Variants in NXPE3 observed in about 807,000 individuals in gnomAD.
The protein encoded by NXPE3 is neurexophilin and PC-esterase domain family member 3.
A neutral mutation model predicts 46.1 loss-of-function variants in NXPE3; 26 were observed. That is an observed-to-expected ratio of 0.56 (90% CI 0.41 to 0.78). The LOEUF is 0.78. Ranked by LOEUF, NXPE3 falls within the 30% of genes least tolerant of loss-of-function variation. NXPE3 has a pLI of 0.00. For missense variants in NXPE3, 620 were observed against 686.0 expected (o/e 0.90, Z 1.07); for synonymous variants, 272 against 257.9 (o/e 1.05, Z -0.52).
rs756671139 is a variant in NXPE3, at chr3:101,821,705, C to G, written c.1431C>G (p.Thr477=). 5.0e-6 allele frequency: 8 copies of G among 1,614,210 alleles called. No homozygotes were observed. In the South Asian group the frequency reaches 6.6e-5, roughly 13 times the overall value. ...GGCTCCTCGATCGAAGCCCAAAGAC[C>G]GTGGTGGTCATCCGGACGGCCAACG... ...VVRLLDRSPK[T]VVVIRTANAQ... is the part of the protein sequence containing the mutation. The change falls in exon 8 of 8, where the codon ACC becomes ACG. Residue 477 remains threonine (T), a synonymous_variant. Transcript: ENST00000273347.
At chr3:101,781,391 C>T (rs1939817376) in intron 1 of NXPE3, among the ~76,000 whole-genome samples, 1 of 152,198 alleles carries the variant, frequency 6.6e-6, no homozygotes, top group Non-Finnish European at 1.5e-5. Flanking sequence ...ATTTGTGTTA[C>T]TGACAATTGT....
In NXPE3 at chr3:101,825,548, A is replaced by T. The variant is rs535040998; in HGVS notation, c.*3594A>T. ...TAATTCTATCATCTGAATGCAATGA[A>T]CATTAGCATTTAGGTATATTTTCTT... is the stretch of plus-strand genomic sequence containing the variant. On this transcript the variant is annotated 3_prime_UTR_variant, in exon 8 of 8. Coordinates refer to ENST00000273347, the MANE Select transcript of NXPE3 (RefSeq NM_145037.4). 2 of 152,318 alleles carry T rather than the reference A, an allele frequency of 1.3e-5. No individual in the cohort carries two copies. The highest frequency in any genetic ancestry group is 4.8e-5 in the African/African-American group (2 of 41,584). 9.4% of individuals were successfully genotyped at this position (152,318 alleles called of 1,614,324 possible).
intron 7 of NXPE3, among the ~76,000 whole-genome samples, chr3:101,818,737 ATATATATATATATATATTTTTTTT>A (rs1408434531): frequency 1.1e-4 from 3 of 27,180 alleles, no homozygotes; most frequent in Admixed American, 5.0e-4. Context: ...ATATATATAT[ATATATATATATATATATTTTTTTT>A]TTTTTTTTTT....
In NXPE3 at chr3:101,793,627, C is replaced by CTTTTTTTTTTTTTTT; in HGVS notation, c.94-7593_94-7579dup. 4.6e-4 allele frequency among the ~76,000 whole-genome samples: 9 copies of CTTTTTTTTTTTTTTT among 19,412 alleles called. 2 individuals are homozygous for CTTTTTTTTTTTTTTT. The highest frequency in any genetic ancestry group is 8.8e-4 in the Admixed American group (1 of 1,136). The allele number at this position is 19,412 out of a possible 152,430, so 12.7% of individuals were successfully genotyped here. A position where few individuals can be genotyped will look rare whatever the true frequency, so the allele number is the denominator to read the frequency against. ...TTTTTTTTGTATTAATTGACAAGGT[C>CTTTTTTTTTTTTTTT]TTTTTTTTTTTTTTTTTTTTTTTTT... On this transcript the variant is annotated intron_variant, in intron 4 of 7. Coordinates refer to ENST00000273347, the MANE Select transcript of NXPE3 (RefSeq NM_145037.4).
At chr3:101,788,510 C>T (rs1940320494) in intron 4 of NXPE3, among the ~76,000 whole-genome samples, 1 of 152,130 alleles carries the variant, frequency 6.6e-6, no homozygotes. Context: ...ATAGTTTTAG[C>T]TCTTACGTTT....
intron 1 of NXPE3, 74 bp downstream of exon 1, chr3:101,779,398 C>A (rs1263460952): frequency 6.5e-6 from 1 of 152,780 alleles, no homozygotes; most frequent in East Asian, 1.9e-4. Flanking sequence ...TTGCCCGGCT[C>A]TGCCAGCGCG....
At chr3:101,811,298 T>C (rs138777242) in intron 6 of NXPE3, among the ~76,000 whole-genome samples, 67 of 152,296 alleles carry the variant, frequency 4.4e-4, no homozygotes, top group East Asian at 2.9e-3. Context: ...GGTGATGTGT[T>C]ACACAGCAAT....
intron 6 of NXPE3, among the ~76,000 whole-genome samples, chr3:101,811,727 A>ATTTTTTTTTTTTTT (rs33999838): frequency 1.0e-5 from 1 of 98,622 alleles, no homozygotes; most frequent in African/African-American, 3.8e-5. Context: ...GCAGTAGTTA[A>ATTTTTTTTTTTTTT]TTTTTTTTTT....
At chr3:101,800,880 T>G (rs2107294318) in intron 4 of NXPE3, among the ~76,000 whole-genome samples, 1 of 152,310 alleles carries the variant, frequency 6.6e-6, no homozygotes, top group East Asian at 1.9e-4. Flanking sequence ...TTTCTTGGTG[T>G]TTCTCCATCT....
intron 4 of NXPE3, among the ~76,000 whole-genome samples, chr3:101,794,027 G>A (rs527702635): frequency 7.1e-4 from 108 of 151,598 alleles, no homozygotes; most frequent in African/African-American, 2.5e-3. Context: ...GGCTCATCTC[G>A]TTTGTTTACT....
intron 4 of NXPE3, among the ~76,000 whole-genome samples, chr3:101,798,609 T>A (rs1237311960): frequency 5.2e-4 from 77 of 148,012 alleles, no homozygotes; most frequent in East Asian, 3.9e-3. Flanking sequence ...TATATTTTTT[T>A]TTTTTTTCTT....
intron 6 of NXPE3, among the ~76,000 whole-genome samples, chr3:101,815,656 A>AAGTTTGAGATCAGC (rs1941938135): frequency 6.6e-6 from 1 of 151,806 alleles, no homozygotes; most frequent in South Asian, 2.1e-4. Context: ...TTGAGATCAG[A>AAGTTTGAGATCAGC]AGTTTGAGAT....
At chr3:101,787,189 C>G (rs1008177512) in intron 4 of NXPE3, among the ~76,000 whole-genome samples, 1 of 152,008 alleles carries the variant, frequency 6.6e-6, no homozygotes, top group Admixed American at 6.6e-5. Context: ...ACAATGATTA[C>G]CCATTCCTGC....
At chr3:101,813,805 T>A (rs1288965856) in intron 6 of NXPE3, among the ~76,000 whole-genome samples, 1 of 152,224 alleles carries the variant, frequency 6.6e-6, no homozygotes, top group Admixed American at 6.5e-5. Flanking sequence ...CTCAGTTATC[T>A]TACATGAACT....
At chr3:101,798,751 T>C (rs1406382062) in intron 4 of NXPE3, among the ~76,000 whole-genome samples, 1 of 151,814 alleles carries the variant, frequency 6.6e-6, no homozygotes, top group Non-Finnish European at 1.5e-5. Flanking sequence ...TAGCTGAGAT[T>C]ACAGGTGTGT....
chr3:101,794,543 A>G (rs1940711946), intron 4 of NXPE3, among the ~76,000 whole-genome samples: 1 of 152,222 alleles, frequency 6.6e-6, no homozygotes, highest in Non-Finnish European at 1.5e-5. Context: ...ATGGATTTCT[A>G]GATGGAGTAG....
At chr3:101,808,100 AC>A (rs1445391036) in intron 6 of NXPE3, among the ~76,000 whole-genome samples, 3 of 152,204 alleles carry the variant, frequency 2.0e-5, no homozygotes, top group Admixed American at 1.3e-4. Flanking sequence ...ATCTCAGATG[AC>A]TGAAACAGAA....
rs1369245427 is a variant in NXPE3, at chr3:101,827,979, G to A, written c.*6025G>A. ...CGAACGCTATAAAGGGCGCCAGTGA[G>A]AGGGGCTGGCCTCCTCTTGCCACGA... On this transcript the variant is annotated 3_prime_UTR_variant, in exon 8 of 8. Transcript: ENST00000273347. 2.6e-5 allele frequency: 4 copies of A among 152,240 alleles called. No individual in the cohort carries two copies. Among genetic ancestry groups the A allele is most frequent in the African/African-American group, 7.2e-5 (3 of 41,452 alleles). The allele number at this position is 152,240 out of a possible 1,614,324, so 9.4% of individuals were successfully genotyped here. A position where few individuals can be genotyped will look rare whatever the true frequency, so the allele number is the denominator to read the frequency against.
Position 101,821,872 on chromosome 3 carries a change from C to G in NXPE3, c.1598C>G (p.Pro533Arg), listed in dbSNP as rs374217390. 1 of 1,614,108 alleles carries G rather than the reference C, an allele frequency of 6.2e-7. No homozygotes were observed. ...GAGATGACCCTGGCCCATTATCTAC[C>G]GCACAAGCTGCATCCAGATGAAGTT... ...AWEMTLAHYLPHKLHPDEVIV... is the reference protein window; with the variant it reads ...AWEMTLAHYLRHKLHPDEVIV... The change falls in exon 8 of 8, where the codon CCG becomes CGG. Residue 533 changes from proline to arginine, a missense_variant. This residue lies in a region of NXPE3 where 34 missense variants were observed against 36.2 expected (regional missense o/e 0.94). Transcript: ENST00000273347.
Sources: gnomAD v4.1 joint callset for allele counts (sites outside exome capture counted in the v4.1 genomes callset) on GRCh38, gnomAD v4.1.1 for gene constraint, gnomAD v4.1.1 regional missense constraint, MANE v1.5 for transcripts, NCBI Gene and HGNC (gene_info 2026-07-23, HGNC 2026-07-21) for gene names.